SMG9: variants seen among roughly 807,000 people sequenced by gnomAD.
SMG9 encodes the protein SMG9 nonsense mediated mRNA decay factor.
A neutral mutation model predicts 64.0 loss-of-function variants in SMG9; 55 were observed. That is an observed-to-expected ratio of 0.86 (90% confidence interval 0.69 to 1.08). SMG9 has a LOEUF of 1.08. SMG9 is among the 50% of genes least tolerant of loss of function. The pLI is 0.00. For missense variants in SMG9, 554 were observed against 681.3 expected, an observed-to-expected ratio of 0.81 and a Z score of 2.08; for synonymous variants, 244 against 254.8, an observed-to-expected ratio of 0.96 and a Z score of 0.41.
chr19:43,743,661 TG>T (rs1968909064), intron 6 of SMG9, among the ~76,000 whole-genome samples: 2 of 152,096 alleles, frequency 1.3e-5, no homozygotes, highest in Non-Finnish European at 2.9e-5. Context: ...GCTGGTGTGG[TG>T]GCATGCCCCT....
intron 13 of SMG9, 43 bp from the exon 14 acceptor site, chr19:43,731,717 C>A (rs371013173): frequency 7.8e-5 from 126 of 1,613,456 alleles, no homozygotes; most frequent in Non-Finnish European, 1.0e-4. Flanking sequence ...CCGGGGCTCC[C>A]CCCAGCCCAG....
intron 9 of SMG9, among the ~76,000 whole-genome samples, chr19:43,735,438 C>T (rs781327210): frequency 6.1e-4 from 92 of 151,736 alleles, no homozygotes; most frequent in Admixed American, 1.1e-3. Context: ...GCCAACATCG[C>T]GAAACTGTGT....
intron 5 of SMG9, among the ~76,000 whole-genome samples, chr19:43,746,595 G>A (rs1433119927): frequency 2.0e-5 from 3 of 152,144 alleles, no homozygotes; most frequent in African/African-American, 7.2e-5. Flanking sequence ...CCAGGCTGCT[G>A]GGTAGGAGAG....
At chr19:43,752,758 T>C (rs346546) in intron 1 of SMG9, among the ~76,000 whole-genome samples, 41,250 of 151,344 alleles carry the variant, frequency 0.27, 6,325 homozygotes, top group African/African-American at 0.42. Context: ...AAGAAAAAAG[T>C]AGCTGGGCGT....
chr19:43,753,807 G>A (rs1475518456), intron 1 of SMG9, among the ~76,000 whole-genome samples: 1 of 151,786 alleles, frequency 6.6e-6, no homozygotes, highest in Non-Finnish European at 1.5e-5. Context: ...CTGAATGTGG[G>A]GAGTTCCTTG....
chr19:43,751,483 A>C (rs1336076473), intron 1 of SMG9, among the ~76,000 whole-genome samples: 2 of 152,252 alleles, frequency 1.3e-5, no homozygotes, highest in African/African-American at 4.8e-5. Flanking sequence ...TAGCAACTGC[A>C]AGCTGGTTCC....
At chr19:43,746,836 T>C (rs405743) in intron 5 of SMG9, among the ~76,000 whole-genome samples, 2 of 144,656 alleles carry the variant, frequency 1.4e-5, no homozygotes, top group African/African-American at 5.2e-5. Flanking sequence ...TTTTTTTTTT[T>C]ACTGAGACAG....
intron 11 of SMG9, 45 bp downstream of exon 11, chr19:43,733,581 A>T (rs1478938434): frequency 5.6e-6 from 9 of 1,610,312 alleles, no homozygotes; most frequent in Admixed American, 3.3e-5. Context: ...TTGGATCAGG[A>T]ATTAGGAGGC....
At chr19:43,749,258 G>GA (rs1969120806) in intron 2 of SMG9, among the ~76,000 whole-genome samples, 1 of 152,156 alleles carries the variant, frequency 6.6e-6, no homozygotes, top group Non-Finnish European at 1.5e-5. Context: ...CAGGGGAGAG[G>GA]CGAGAGAGGC....
intron 9 of SMG9, 75 bp from the exon 10 acceptor site, chr19:43,734,570 T>C: frequency 2.1e-6 from 2 of 934,188 alleles, no homozygotes; most frequent in Non-Finnish European, 1.7e-6. Context: ...AGGGGCTTCC[T>C]TTGAGATTCT....
chr19:43,731,543 G>A lies in SMG9; in HGVS notation c.*53C>T, dbSNP rs182248244. 4.0e-5 allele frequency: 64 copies of A among 1,612,092 alleles called. No homozygotes were observed. The East Asian group carries it at 5.4e-4, about 13-fold the overall frequency. On this transcript the variant is annotated 3_prime_UTR_variant, in exon 14 of 14. Transcript: ENST00000270066. ...GGGGGATGGACATCTGTGCTCCCTC[G>A]CAGTACACTGCGGACCCAGGAGGTC...
intron 1 of SMG9, among the ~76,000 whole-genome samples, 190 bp from the exon 2 acceptor site, chr19:43,750,937 G>A (rs959525073): frequency 6.6e-6 from 1 of 152,148 alleles, no homozygotes; most frequent in Non-Finnish European, 1.5e-5. Context: ...CAATTCTTCT[G>A]CCTCAGCCTC....
chr19:43,749,501 C>T (rs1324201683), intron 2 of SMG9, among the ~76,000 whole-genome samples: 1 of 152,160 alleles, frequency 6.6e-6, no homozygotes, highest in Non-Finnish European at 1.5e-5. Flanking sequence ...CCCAGGAGGG[C>T]ATTATGTGGA....
intron 12 of SMG9, 90 bp from the exon 13 acceptor site, chr19:43,733,092 A>G: frequency 1.4e-6 from 2 of 1,476,810 alleles, no homozygotes; most frequent in Non-Finnish European, 1.8e-6. Flanking sequence ...GGAGCACCTG[A>G]GAGTTCAGCC....
At position 43,732,892 on chromosome 19, in the gene SMG9, G is replaced by A; in HGVS notation, c.1450C>T (p.Gln484Ter). 6.2e-7 allele frequency: 1 copy of A among 1,613,972 alleles called. No individual in the cohort carries two copies. The highest frequency in any genetic ancestry group is 8.5e-7 in the Non-Finnish European group (1 of 1,179,994). The change falls in exon 13 of 14, where the codon CAG (glutamine) becomes TAG (stop). Residue 484 changes from glutamine (Q) to a stop codon, truncating the protein, a stop_gained. Coordinates refer to ENST00000270066, the MANE Select transcript of SMG9 (RefSeq NM_019108.4). LOFTEE classifies it high-confidence loss of function. Reference sequence around the variant, plus strand: ...TCGGTGAGGATCGTGTGTGACAGCTGTGGCCGGGCCATGGACATCACTTGG... The same window carrying A: ...TCGGTGAGGATCGTGTGTGACAGCTATGGCCGGGCCATGGACATCACTTGG... ...RSQVMSMARP[Q>*]LSHTILTEKN...
At chr19:43,745,344 C>A (rs970741720) in intron 5 of SMG9, among the ~76,000 whole-genome samples, 12 of 151,916 alleles carry the variant, frequency 7.9e-5, no homozygotes, top group Admixed American at 1.3e-4. Context: ...CCCAGGCTTT[C>A]GTCTGTGTGT....
chr19:43,732,761 G>A (rs758015494), intron 13 of SMG9, 97 bp downstream of exon 13: 77 of 1,448,562 alleles, frequency 5.3e-5, no homozygotes, highest in Non-Finnish European at 6.2e-5. Flanking sequence ...CTGGAGAGGA[G>A]GGGCTTCACA....
chr19:43,737,497 TC>T, intron 9 of SMG9, 99 bp downstream of exon 9: 1 of 1,003,918 alleles, frequency 1.0e-6, no homozygotes, highest in Non-Finnish European at 1.5e-6. Context: ...TTTAAAAGGA[TC>T]CCTCTGGCTG....
chr19:43,729,873 G>A lies in SMG9; in HGVS notation c.*1723C>T, dbSNP rs1158569723. 1 of 152,294 alleles carries A rather than the reference G, an allele frequency of 6.6e-6. No homozygotes were observed. The highest frequency in any genetic ancestry group is 1.5e-5 in the Non-Finnish European group (1 of 68,100). 9.4% of individuals were successfully genotyped at this position (152,294 alleles called of 1,614,324 possible). On this transcript the variant is annotated 3_prime_UTR_variant, in exon 14 of 14. Transcript: ENST00000270066. ...GGATGATCTTAAATGTTGGAATAAT[G>A]GCCAGAGAGGGGAGGCTCCTTGCCT...
Sources: gnomAD v4.1 joint callset for allele counts (sites outside exome capture counted in the v4.1 genomes callset) on GRCh38, gnomAD v4.1.1 for gene constraint, MANE v1.5 for transcripts, NCBI Gene and HGNC (gene_info 2026-07-23, HGNC 2026-07-21) for gene names.